Variants in GALNT16 observed in about 807,000 individuals in gnomAD.
The protein encoded by GALNT16 is polypeptide N-acetylgalactosaminyltransferase 16.
GALNT16 carries 40 observed loss-of-function variants against 76.1 expected under a neutral mutation model. That is an observed-to-expected ratio of 0.53 (90% CI 0.41 to 0.68). The LOEUF (loss-of-function observed/expected upper bound fraction) is 0.68. Ranked by LOEUF, GALNT16 falls within the 30% of genes least tolerant of loss-of-function variation. The pLI, the probability that GALNT16 is intolerant of heterozygous loss-of-function variation, is 0.00. For synonymous variants in GALNT16, 276 were observed against 285.2 expected, an observed-to-expected ratio of 0.97 and a Z score of 0.32; for missense variants, 621 against 731.9, an observed-to-expected ratio of 0.85 and a Z score of 1.75.
the GALNT16 span, among the ~76,000 whole-genome samples, chr14:69,382,835 CTG>C: frequency 6.6e-6 from 1 of 150,634 alleles, no homozygotes; most frequent in Non-Finnish European, 1.5e-5. Context: ...TTATGGAAAG[CTG>C]TGTGTCGATG....
Position 69,305,605 on chromosome 14 carries a change from G to T in GALNT16, c.178-15106G>T, listed in dbSNP as rs75514329. ...GTTCTGAGCCCAATTTTTAAATCAGGTTACTAGTTTTTTGTTTTTGTTTTT... is the reference window on the plus strand; with the variant it reads ...GTTCTGAGCCCAATTTTTAAATCAGTTTACTAGTTTTTTGTTTTTGTTTTT... On this transcript the variant is annotated intron_variant, in intron 1 of 14. Coordinates refer to ENST00000448469, the MANE Select transcript of GALNT16 (RefSeq NM_001168368.2). Among the ~76,000 whole-genome samples the T allele has an allele frequency of 2.5e-3, 386 of 152,174 alleles. 1 individual carries two copies. The highest frequency in any genetic ancestry group is 0.01 in the South Asian group (49 of 4,814).
chr14:69,328,393 A>G (rs1233973981), intron 5 of GALNT16, 57 bp from the exon 6 acceptor site: 4 of 1,572,344 alleles, frequency 2.5e-6, no homozygotes, highest in Non-Finnish European at 3.5e-6. Flanking sequence ...TTTGGGGGAC[A>G]GGTGGGAAGC....
intron 1 of GALNT16, among the ~76,000 whole-genome samples, chr14:69,285,451 G>T (rs975272957): frequency 1.3e-5 from 2 of 151,268 alleles, no homozygotes; most frequent in African/African-American, 4.9e-5. Context: ...TGTCATGTGT[G>T]GTTTTCTCAT....
At chr14:69,372,326 C>T in the GALNT16 span, among the ~76,000 whole-genome samples, 1 of 152,070 alleles carries the variant, frequency 6.6e-6, no homozygotes, top group African/African-American at 2.4e-5. Context: ...CAAACACTGA[C>T]TCACTGATAC....
intron 9 of GALNT16, among the ~76,000 whole-genome samples, chr14:69,334,393 T>C (rs890576634): frequency 6.6e-6 from 1 of 152,204 alleles, no homozygotes; most frequent in Non-Finnish European, 1.5e-5. Flanking sequence ...GGCAAGCCAG[T>C]CAACTCTTTG....
Position 69,333,248 on chromosome 14 carries a change from G to T in GALNT16, c.863+79G>T. The T allele has an allele frequency of 2.0e-6, 2 of 987,748 alleles. No individual in the cohort carries two copies. Among genetic ancestry groups the T allele is most frequent in the Non-Finnish European group, 3.1e-6 (2 of 652,076 alleles). 61.2% of individuals were successfully genotyped at this position (987,748 alleles called of 1,614,324 possible). A position where few individuals can be genotyped will look rare whatever the true frequency, so the allele number is the denominator to read the frequency against. On this transcript the variant is annotated intron_variant, in intron 8 of 14. Coordinates refer to ENST00000448469, the MANE Select transcript of GALNT16 (RefSeq NM_001168368.2). This position sits in a 1 kb window ranked among gnomAD's most constrained non-coding sequence, Gnocchi z 4.2. ...TGGGAGGCTCTTGGGAGGCTGTATC[G>T]GTCGCTTGGGCTCCTGAGGCGCACT...
At chr14:69,317,213 C>T (rs1194033076) in intron 1 of GALNT16, among the ~76,000 whole-genome samples, 1 of 152,246 alleles carries the variant, frequency 6.6e-6, no homozygotes, top group Non-Finnish European at 1.5e-5. Flanking sequence ...GATGCATTTA[C>T]TCCCTCGCCA....
At chr14:69,260,104 AG>A (rs2044240241), upstream of GALNT16, 8 of 504,608 alleles carry the variant, frequency 1.6e-5, no homozygotes, top group East Asian at 2.7e-4. Flanking sequence ...TAGGACCGTG[AG>A]GATCGCTCCG....
chr14:69,328,956 C>T (rs2045320288), intron 6 of GALNT16, among the ~76,000 whole-genome samples: 1 of 152,166 alleles, frequency 6.6e-6, no homozygotes, highest in South Asian at 2.1e-4. Flanking sequence ...TAGGAGGGCC[C>T]CTGCCACGTG....
chr14:69,301,669 T>TTTATA (rs1283795073), intron 1 of GALNT16, among the ~76,000 whole-genome samples: 4 of 151,464 alleles, frequency 2.6e-5, no homozygotes. Context: ...ACAGGCAGAG[T>TTTATA]TAAGTAACTG....
the GALNT16 span, among the ~76,000 whole-genome samples, chr14:69,372,642 C>T: frequency 1.3e-5 from 2 of 152,040 alleles, no homozygotes; most frequent in East Asian, 3.9e-4. Context: ...ATTACAGGCG[C>T]ATGCCACCAT....
upstream of GALNT16, chr14:69,259,751 G>A (rs2044233459): frequency 6.5e-6 from 1 of 153,616 alleles, no homozygotes; most frequent in Admixed American, 6.5e-5. Context: ...GCCCAGGTCG[G>A]GGGTCGCGCG....
the GALNT16 span, among the ~76,000 whole-genome samples, chr14:69,384,417 A>C: frequency 6.6e-6 from 1 of 152,206 alleles, no homozygotes; most frequent in African/African-American, 2.4e-5. Flanking sequence ...CAAATGGTAG[A>C]CCCAGGATTC....
chr14:69,358,795 C>T (rs562887843), downstream of GALNT16: 34 of 152,484 alleles, frequency 2.2e-4, no homozygotes, highest in African/African-American at 7.9e-4. Context: ...CCATGAACCA[C>T]CGATGGTTAC....
intron 1 of GALNT16, among the ~76,000 whole-genome samples, chr14:69,315,654 A>G (rs74414878): frequency 0.015 from 2,327 of 152,312 alleles, 30 homozygotes; most frequent in Non-Finnish European, 0.025. Context: ...GACACCAGTG[A>G]CTGTCATTGT....
chr14:69,361,731 G>A (rs2045725462), downstream of GALNT16, among the ~76,000 whole-genome samples: 1 of 152,158 alleles, frequency 6.6e-6, no homozygotes, highest in Non-Finnish European at 1.5e-5. Flanking sequence ...AGGGGGCCCA[G>A]TGCGGTGGCT....
At chr14:69,384,778 A>C in the GALNT16 span, among the ~76,000 whole-genome samples, 15 of 152,368 alleles carry the variant, frequency 9.8e-5, no homozygotes, top group Admixed American at 7.8e-4. Flanking sequence ...GAGATGCAGC[A>C]GTGAACAAAC....
chr14:69,276,780 T>C (rs1421830829), intron 1 of GALNT16, among the ~76,000 whole-genome samples: 1 of 152,240 alleles, frequency 6.6e-6, no homozygotes, highest in African/African-American at 2.4e-5. Flanking sequence ...TCTTTGTCTT[T>C]GTCCTTTTTG....
intron 1 of GALNT16, among the ~76,000 whole-genome samples, chr14:69,315,929 C>T (rs1466389869): frequency 2.0e-5 from 3 of 152,162 alleles, no homozygotes; most frequent in Admixed American, 2.0e-4. Flanking sequence ...AGAAGATTCT[C>T]ATTTTGCACG....
Sources: gnomAD v4.1 joint callset for allele counts (sites outside exome capture counted in the v4.1 genomes callset) on GRCh38, gnomAD v4.1.1 for gene constraint, Gnocchi (gnomAD v3.1) non-coding constraint, MANE v1.5 for transcripts, NCBI Gene and HGNC (gene_info 2026-07-23, HGNC 2026-07-21) for gene names.